The following EIF3M variants were observed in gnomAD, a reference collection of about 807,000 sequenced individuals.
The protein encoded by EIF3M is eukaryotic translation initiation factor 3 subunit M, also known as B5 receptor.
In EIF3M, 25 loss-of-function variants were observed where a neutral mutation model predicts 49.7. That is an observed-to-expected ratio of 0.50 (90% CI 0.37 to 0.70). The LOEUF is 0.70. EIF3M is among the 30% of genes least tolerant of loss of function. The pLI, the probability that EIF3M is intolerant of heterozygous loss-of-function variation, is 0.00. For synonymous variants in EIF3M, 156 were observed against 149.8 expected (o/e 1.04, Z -0.30); for missense variants, 350 against 440.0 (o/e 0.80, Z 1.83).
chr11:32,592,312 T>A (rs756905046), intron 5 of EIF3M: 6 of 534,810 alleles, frequency 1.1e-5, no homozygotes, highest in African/African-American at 1.9e-5. Context: ...TTTATCATGA[T>A]CATCAAAAGT....
Position 32,606,205 on chromosome 11 carries a change from G to A in EIF3M, c.*3806G>A, listed in dbSNP as rs1006479611. ...CTTAATACCTTCCCTGAATTTAACA[G>A]AATTGATGTGGACTGTACATAAAAT... On this transcript the variant is annotated 3_prime_UTR_variant, in exon 11 of 11. Coordinates refer to ENST00000531120, the MANE Select transcript of EIF3M (RefSeq NM_006360.6). 5.9e-5 allele frequency: 9 copies of A among 152,158 alleles called. No homozygotes were observed. The highest frequency in any genetic ancestry group is 9.7e-5 in the African/African-American group (4 of 41,426). The allele number at this position is 152,158 out of a possible 1,614,324, so 9.4% of individuals were successfully genotyped here. A position where few individuals can be genotyped will look rare whatever the true frequency, so the allele number is the denominator to read the frequency against.
In EIF3M at chr11:32,595,970, T is replaced by A; in HGVS notation, c.722T>A (p.Leu241Ter). Residue 241 changes from leucine to a stop codon, truncating the protein, a stop_gained, in exon 8 of 11, where the codon TTA (leucine) becomes TAA (stop). Transcript: ENST00000531120. LOFTEE classifies it high-confidence loss of function. ...TTTTGTCTCTTATCTGTATAGCTTTTAACCATTTTTGTGAGTGCTAAATTG... is the reference window on the plus strand; with the variant it reads ...TTTTGTCTCTTATCTGTATAGCTTTAAACCATTTTTGTGAGTGCTAAATTG... ...FLEGELIHDL[L>*]TIFVSAKLAS... 6.3e-7 allele frequency: 1 copy of A among 1,577,466 alleles called. No homozygotes were observed. Among genetic ancestry groups the A allele is most frequent in the Non-Finnish European group, 8.6e-7 (1 of 1,168,602 alleles).
At chr11:32,594,249 T>C (rs988035787) in intron 6 of EIF3M, 6 of 240,206 alleles carry the variant, frequency 2.5e-5, no homozygotes, top group Non-Finnish European at 4.8e-5. Context: ...GACCCTAATT[T>C]TAAGGTTATA....
chr11:32,600,746 C>G lies in EIF3M; in HGVS notation c.857C>G (p.Ala286Gly). The change falls in exon 9 of 11, where the codon GCA (alanine) becomes GGA (glycine). Residue 286 changes from alanine to glycine, a missense_variant. Transcript: ENST00000531120. ...KMRLLTFMGM[A>G]VENKEISFDT... ...AGACTACTTACTTTTATGGGAATGG[C>G]AGTAGAAAATAAGGAAATTTCTTTT... 1 of 1,611,710 alleles carries G rather than the reference C, an allele frequency of 6.2e-7. No individual in the cohort carries two copies. Among genetic ancestry groups the G allele is most frequent in the Non-Finnish European group, 8.5e-7 (1 of 1,178,514 alleles).
chr11:32,600,736 A>G lies in EIF3M; in HGVS notation c.847A>G (p.Met283Val). ...GGCAAAAATGAGACTACTTACTTTT[A>G]TGGGAATGGCAGTAGAAAATAAGGA... ...NMAKMRLLTFMGMAVENKEIS... is the reference protein window; with the variant it reads ...NMAKMRLLTFVGMAVENKEIS... Residue 283 changes from methionine (M) to valine (V), a missense_variant, in exon 9 of 11, where the codon ATG (methionine) becomes GTG (valine). Met to Val is a conservative substitution (Grantham distance 21, BLOSUM62 1). Transcript: ENST00000531120. 4 of 1,611,808 alleles carry G rather than the reference A, an allele frequency of 2.5e-6. No homozygotes were observed. The highest frequency in any genetic ancestry group is 3.4e-6 in the Non-Finnish European group (4 of 1,178,502).
intron 1 of EIF3M, among the ~76,000 whole-genome samples, chr11:32,585,808 A>G (rs1254727424): frequency 6.6e-6 from 1 of 150,926 alleles, no homozygotes; most frequent in African/African-American, 2.4e-5. Context: ...GCAACTAAAT[A>G]TACTTGGGGG....
rs951724255 is a variant in EIF3M at position 32,604,717 on chromosome 11, T to C, written c.*2318T>C. 1.1e-4 allele frequency: 16 copies of C among 152,242 alleles called. No individual in the cohort carries two copies. The highest frequency in any genetic ancestry group is 3.6e-4 in the African/African-American group (15 of 41,462). The allele number at this position is 152,242 out of a possible 1,614,324, so 9.4% of individuals were successfully genotyped here. On this transcript the variant is annotated 3_prime_UTR_variant, in exon 11 of 11. Transcript: ENST00000531120. ...ATGGTCACTGTTAACTAGGCTGCAG[T>C]GATTATCATTTGTTCATAAATCTTT... is the stretch of plus-strand genomic sequence containing the variant.
At position 32,589,888 on chromosome 11, in the gene EIF3M, C is replaced by T. The variant is rs374514740; in HGVS notation, c.533+247C>T. Among the ~76,000 whole-genome samples, 60 of 152,246 alleles carry T rather than the reference C, an allele frequency of 3.9e-4. 1 individual carries two copies. The South Asian group carries it at 0.012, about 31-fold the overall frequency. On this transcript the variant is annotated intron_variant, in intron 5 of 10. Transcript: ENST00000531120. The stretch of plus-strand genomic sequence containing the variant: ...TTTTTCTAAAAAAAGAAAGGTGGGG[C>T]CTTTCCAACATGGGCTTCAACCTAC...
intron 2 of EIF3M, among the ~76,000 whole-genome samples, chr11:32,587,582 T>C (rs1403569370): frequency 6.6e-6 from 1 of 152,250 alleles, no homozygotes; most frequent in Non-Finnish European, 1.5e-5. Context: ...TGAGAAAACC[T>C]TTATTTTATA....
intron 8 of EIF3M, among the ~76,000 whole-genome samples, chr11:32,596,996 G>C (rs1855191366): frequency 6.6e-6 from 1 of 152,088 alleles, no homozygotes; most frequent in African/African-American, 2.4e-5. Context: ...CAGCTCTTCT[G>C]TACCATGATT....
At chr11:32,585,180 A>T (rs1021781201) in intron 1 of EIF3M, among the ~76,000 whole-genome samples, 2 of 152,246 alleles carry the variant, frequency 1.3e-5, no homozygotes, top group Non-Finnish European at 2.9e-5. Context: ...GAAAAGGTCA[A>T]GGATGGGGAG....
At chr11:32,596,188 C>A in intron 8 of EIF3M, 141 bp downstream of exon 8, 2 of 551,744 alleles carry the variant, frequency 3.6e-6, no homozygotes, top group Non-Finnish European at 6.1e-6. Flanking sequence ...TAGAACAGCA[C>A]AAAAATAGGT....
At chr11:32,594,750 G>A (rs980016001) in intron 6 of EIF3M, 164 bp from the exon 7 acceptor site, 1 of 477,402 alleles carries the variant, frequency 2.1e-6, no homozygotes, top group African/African-American at 2.0e-5. Flanking sequence ...CCTGATAAAT[G>A]TGTTGGCCTG....
chr11:32,599,299 TTTC>T (rs1260939327), intron 8 of EIF3M, among the ~76,000 whole-genome samples: 9 of 152,140 alleles, frequency 5.9e-5, no homozygotes, highest in African/African-American at 2.2e-4. Flanking sequence ...CACTAATTGA[TTTC>T]TTGGCGCCTG....
intron 5 of EIF3M, among the ~76,000 whole-genome samples, chr11:32,593,551 G>C (rs1590521057): frequency 6.6e-6 from 1 of 152,190 alleles, no homozygotes; most frequent in East Asian, 1.9e-4. Context: ...CATCATTTTG[G>C]TCTCAGCTTA....
intron 3 of EIF3M, 137 bp downstream of exon 3, chr11:32,588,869 C>T: frequency 6.5e-7 from 1 of 1,536,012 alleles, no homozygotes; most frequent in Non-Finnish European, 8.8e-7. Context: ...GGGCAAGTGG[C>T]TTGACCTTTC....
At chr11:32,600,887 G>T in intron 9 of EIF3M, 55 bp downstream of exon 9, 1 of 1,521,470 alleles carries the variant, frequency 6.6e-7, no homozygotes, top group African/African-American at 1.4e-5. Context: ...CTACTACATG[G>T]ATCATAGTAA....
At chr11:32,588,765 C>G (rs748856256) in intron 3 of EIF3M, 33 bp downstream of exon 3, 1 of 1,610,788 alleles carries the variant, frequency 6.2e-7, no homozygotes. Flanking sequence ...CTCAGTTTTT[C>G]TAGGTGCTTT....
intron 5 of EIF3M, chr11:32,592,879 C>T: frequency 3.7e-6 from 1 of 270,568 alleles, no homozygotes; most frequent in Non-Finnish European, 7.2e-6. Flanking sequence ...AATTGTAGTG[C>T]ATTACAGCCT....
Sources: allele counts gnomAD v4.1 joint callset (sites outside exome capture counted in the v4.1 genomes callset), GRCh38; gene constraint gnomAD v4.1.1; transcripts MANE v1.5; gene names NCBI Gene and HGNC (gene_info 2026-07-23, HGNC 2026-07-21).